CNKSR3: variants seen among roughly 807,000 people sequenced by gnomAD.
CNKSR3 encodes CNKSR family member 3.
In CNKSR3, 36 loss-of-function variants were observed where a neutral mutation model predicts 67.7. The ratio of observed to expected loss-of-function variants is 0.53; its 90% confidence interval spans 0.41 to 0.70. The LOEUF is 0.70. CNKSR3 is among the 30% of genes least tolerant of loss of function. CNKSR3 has a pLI of 0.00. For synonymous variants in CNKSR3, 281 were observed against 271.4 expected, an observed-to-expected ratio of 1.04 and a Z score of -0.35; for missense variants, 630 against 695.2, an observed-to-expected ratio of 0.91 and a Z score of 1.05.
chr6:154,489,133 A>C (rs1786732946), intron 1 of CNKSR3, among the ~76,000 whole-genome samples: 1 of 152,202 alleles, frequency 6.6e-6, no homozygotes, highest in African/African-American at 2.4e-5. Context: ...TCAGAAATAA[A>C]TACCCACATG....
rs377116331 is a variant in CNKSR3 at position 154,441,751 on chromosome 6, C to CAAA, written c.419+334_419+336dup. Among the ~76,000 whole-genome samples, 4 of 149,202 alleles carry CAAA rather than the reference C, an allele frequency of 2.7e-5. No individual in the cohort carries two copies. In the East Asian group the frequency reaches 5.9e-4, roughly 22 times the overall value. Reference sequence around the variant, plus strand: ...GAGAAGGAATAGATTAAAAACAAAACAAAACAAAAATTGACAGTTAACATC... The same window carrying CAAA: ...GAGAAGGAATAGATTAAAAACAAAACAAAAAAACAAAAATTGACAGTTAACATC... On this transcript the variant is annotated intron_variant, in intron 3 of 12. Coordinates refer to ENST00000607772, the MANE Select transcript of CNKSR3 (RefSeq NM_173515.4).
chr6:154,415,431 A>G (rs1785005181), intron 9 of CNKSR3, among the ~76,000 whole-genome samples: 1 of 151,902 alleles, frequency 6.6e-6, no homozygotes, highest in Non-Finnish European at 1.5e-5. Flanking sequence ...GCGTTTTGCC[A>G]TGTTGGCCAG....
intron 1 of CNKSR3, among the ~76,000 whole-genome samples, chr6:154,474,863 GC>G (rs545034431): frequency 7.2e-5 from 11 of 152,194 alleles, no homozygotes; most frequent in Non-Finnish European, 1.2e-4. Context: ...ATGAGGTCAT[GC>G]CTTTCCTCCT....
chr6:154,441,183 TG>T (rs1785572933), intron 4 of CNKSR3, 108 bp downstream of exon 4: 1 of 648,098 alleles, frequency 1.5e-6, no homozygotes, highest in Non-Finnish European at 2.5e-6. Context: ...AAAACTGAGG[TG>T]GGGAGAGGAG....
At chr6:154,480,063 T>C (rs948355074) in intron 1 of CNKSR3, among the ~76,000 whole-genome samples, 1 of 152,238 alleles carries the variant, frequency 6.6e-6, no homozygotes, top group Non-Finnish European at 1.5e-5. Flanking sequence ...TTTCTCGTTG[T>C]TGGCTGTCAG....
chr6:154,421,987 C>CCTT (rs1785153841), intron 9 of CNKSR3, among the ~76,000 whole-genome samples: 1 of 127,338 alleles, frequency 7.9e-6, no homozygotes, highest in African/African-American at 3.0e-5. Context: ...TCATTTCATT[C>CCTT]TTTTTTTTTT....
In CNKSR3 at chr6:154,401,542, G is replaced by C. The variant is rs1179834816; in HGVS notation, c.*4812C>G. ...TGCAGCCTGAGCTGATTAAGACACA[G>C]AGTAACTCACAAAATAAATAACATC... On this transcript the variant is annotated 3_prime_UTR_variant, in exon 13 of 13. Transcript: ENST00000607772. 6.6e-6 allele frequency: 1 copy of C among 152,200 alleles called. No individual in the cohort carries two copies. Among genetic ancestry groups the C allele is most frequent in the Non-Finnish European group, 1.5e-5 (1 of 68,042 alleles). 9.4% of individuals were successfully genotyped at this position (152,200 alleles called of 1,614,324 possible). A position where few individuals can be genotyped will look rare whatever the true frequency, so the allele number is the denominator to read the frequency against.
intron 1 of CNKSR3, among the ~76,000 whole-genome samples, chr6:154,466,806 T>TTA (rs1444725354): frequency 6.6e-6 from 1 of 151,090 alleles, no homozygotes; most frequent in Admixed American, 6.6e-5. Flanking sequence ...TTTTTTTTTT[T>TTA]ATAGAGACAG....
chr6:154,470,430 T>C (rs1430161692), intron 1 of CNKSR3, among the ~76,000 whole-genome samples: 1 of 152,006 alleles, frequency 6.6e-6, no homozygotes, highest in Non-Finnish European at 1.5e-5. Context: ...AATTCCTAAG[T>C]TCAGGAACTC....
intron 10 of CNKSR3, 68 bp downstream of exon 10, chr6:154,414,231 T>G: frequency 2.7e-6 from 4 of 1,494,244 alleles, no homozygotes; most frequent in Non-Finnish European, 3.6e-6. Context: ...AGATCCTCTT[T>G]TCACACCACC....
chr6:154,441,288 T>C lies in CNKSR3; in HGVS notation c.507+4A>G. On this transcript the variant is annotated splice_donor_region_variant and intron_variant, in intron 4 of 12. Transcript: ENST00000607772. ...AAAGAAAGTGAAAATGACATACTAC[T>C]GACCTTCTGGACTGTAGTGGTCAGG... 1.1e-5 allele frequency: 16 copies of C among 1,436,876 alleles called. No individual in the cohort carries two copies. The highest frequency in any genetic ancestry group is 1.6e-5 in the Non-Finnish European group (16 of 1,030,244). 89.0% of individuals were successfully genotyped at this position (1,436,876 alleles called of 1,614,324 possible).
intron 9 of CNKSR3, 85 bp downstream of exon 9, chr6:154,422,421 C>T (rs903770062): frequency 2.2e-5 from 30 of 1,340,566 alleles, no homozygotes; most frequent in Admixed American, 4.0e-5. Context: ...CAATCAATCA[C>T]CTTCAAATTT....
chr6:154,507,995 G>A lies in CNKSR3; in HGVS notation c.52+2068C>T, dbSNP rs374339595. 1.2e-3 allele frequency among the ~76,000 whole-genome samples: 190 copies of A among 152,260 alleles called. No individual in the cohort carries two copies. In the South Asian group the frequency reaches 0.014, roughly 11 times the overall value. ...AACAAAACCAGACACAAATCTTGAG[G>A]GTGTGAAGATCTCACTCCATAATCT... On this transcript the variant is annotated intron_variant, in intron 1 of 12. Transcript: ENST00000607772.
At position 154,398,619 on chromosome 6, in the gene CNKSR3, G is replaced by A. The variant is rs1784685059; in HGVS notation, c.*7735C>T. The A allele has an allele frequency of 6.6e-6, 1 of 152,170 alleles. No homozygotes were observed. Among genetic ancestry groups the A allele is most frequent in the Admixed American group, 6.5e-5 (1 of 15,270 alleles). The allele number at this position is 152,170 out of a possible 1,614,324, so 9.4% of individuals were successfully genotyped here. ...AAAACCACAGGAAACATAGAAACGA[G>A]TTTGAGGAATACCACTTCAAGATGG... On this transcript the variant is annotated 3_prime_UTR_variant, in exon 13 of 13. Transcript: ENST00000607772.
chr6:154,410,596 C>T (rs1784890438), intron 11 of CNKSR3, among the ~76,000 whole-genome samples, 164 bp from the exon 12 acceptor site: 1 of 152,062 alleles, frequency 6.6e-6, no homozygotes, highest in Non-Finnish European at 1.5e-5. Context: ...ATTTCCATAG[C>T]AGGAAATAGA....
chr6:154,410,759 G>A (rs1195976220), intron 11 of CNKSR3, among the ~76,000 whole-genome samples, 175 bp downstream of exon 11: 1 of 152,170 alleles, frequency 6.6e-6, no homozygotes, highest in East Asian at 1.9e-4. Context: ...ACTCAACAAG[G>A]ATCCGCTTGA....
chr6:154,465,115 TG>T (rs1786167436), intron 1 of CNKSR3, among the ~76,000 whole-genome samples: 2 of 119,454 alleles, frequency 1.7e-5, no homozygotes, highest in Admixed American at 2.2e-4. Flanking sequence ...CACTCCAGCC[TG>T]GGCAACTGGG....
chr6:154,475,159 G>A (rs1044443935), intron 1 of CNKSR3, among the ~76,000 whole-genome samples: 1 of 152,184 alleles, frequency 6.6e-6, no homozygotes, highest in Non-Finnish European at 1.5e-5. Flanking sequence ...TGGTAGAACT[G>A]GTCTTGAGGT....
intron 1 of CNKSR3, among the ~76,000 whole-genome samples, chr6:154,477,365 C>G (rs1321317769): frequency 6.6e-6 from 1 of 152,056 alleles, no homozygotes; most frequent in African/African-American, 2.4e-5. Flanking sequence ...GGCTGGAGAG[C>G]AGTGGTACAA....
Sources: gnomAD v4.1 joint callset for allele counts (sites outside exome capture counted in the v4.1 genomes callset) on GRCh38, gnomAD v4.1.1 for gene constraint, MANE v1.5 for transcripts, NCBI Gene and HGNC (gene_info 2026-07-23, HGNC 2026-07-21) for gene names.